RYR3: variants seen among roughly 807,000 people sequenced by gnomAD.
RYR3 encodes the protein brain ryanodine receptor-calcium release channel.
In RYR3, 207 loss-of-function variants were observed where a neutral mutation model predicts 584.3. The ratio of observed to expected loss-of-function variants is 0.35; its 90% confidence interval spans 0.32 to 0.40. RYR3 has a LOEUF of 0.40. Among genes scored for constraint, RYR3 ranks in the 10% least tolerant of loss-of-function variants. The probability of loss-of-function intolerance (pLI) is 1.00; values close to 1 mark genes in which losing one functional copy is unlikely to be tolerated. For synonymous variants in RYR3, 2,416 were observed against 2,248.5 expected (o/e 1.07, Z -2.11); for missense variants, 5,616 against 6,089.2 (o/e 0.92, Z 2.59).
At chr15:33,402,757 T>C (rs941712576) in intron 1 of RYR3, among the ~76,000 whole-genome samples, 2 of 152,240 alleles carry the variant, frequency 1.3e-5, no homozygotes, top group African/African-American at 4.8e-5. Flanking sequence ...ACTCAAGGAC[T>C]CAGAAGACTC....
chr15:33,840,682 CTT>C, intron 89 of RYR3, 141 bp from the exon 90 acceptor site: 1 of 722,364 alleles, frequency 1.4e-6, no homozygotes, highest in South Asian at 1.7e-5. Context: ...TAGCAGGACA[CTT>C]ATGTTCAGTG....
chr15:33,533,188 A>G (rs1266779844), intron 4 of RYR3, 123 bp from the exon 5 acceptor site: 1 of 635,824 alleles, frequency 1.6e-6, no homozygotes, highest in African/African-American at 1.8e-5. Context: ...TCCAATGAAC[A>G]AGATAAATAG....
chr15:33,700,207 G>T (rs141254152), intron 41 of RYR3, among the ~76,000 whole-genome samples: 14 of 152,320 alleles, frequency 9.2e-5, no homozygotes, highest in Non-Finnish European at 1.9e-4. Flanking sequence ...ATGAGACCAA[G>T]GTCATGGATC....
At chr15:33,712,875 A>G (rs1381222575) in intron 43 of RYR3, among the ~76,000 whole-genome samples, 1 of 152,178 alleles carries the variant, frequency 6.6e-6, no homozygotes, top group Non-Finnish European at 1.5e-5. Context: ...CAGAGATGAT[A>G]ATAATGTATG....
rs555721982 is a variant in RYR3, at chr15:33,530,628, G to A, written c.316G>A (p.Gly106Ser). Residue 106 changes from glycine (G) to serine (S), a missense_variant, in exon 4 of 104, where the codon GGC becomes AGC. By Grantham distance (56) the Gly-to-Ser change is moderately conservative. Around this residue, in one of 9 missense-constraint regions of RYR3, gnomAD observed 1,284 missense variants for 1,344.6 expected, o/e 0.95. Transcript: ENST00000634891. ...AGGTGGCCACAGGACCCTGTTATAC[G>A]GCCATGCAGTTCTCCTGAGGCACTC... The part of the protein sequence containing the change: ...QGGGHRTLLY[G>S]HAVLLRHSFS... The A allele has an allele frequency of 4.3e-6, 7 of 1,613,616 alleles. No homozygotes were observed. The highest frequency in any genetic ancestry group is 5.9e-6 in the Non-Finnish European group (7 of 1,179,684).
chr15:33,613,851 A>T (rs1318732253), intron 19 of RYR3, among the ~76,000 whole-genome samples: 1 of 152,218 alleles, frequency 6.6e-6, no homozygotes, highest in Non-Finnish European at 1.5e-5. Flanking sequence ...ATTCAACAAT[A>T]ATGAGCCTTT....
At position 33,389,174 on chromosome 15, in the gene RYR3, A is replaced by G. The variant is rs1029686679; in HGVS notation, c.51+78078A>G. 2.0e-5 allele frequency among the ~76,000 whole-genome samples: 3 copies of G among 151,240 alleles called. No individual in the cohort carries two copies. In the East Asian group the frequency reaches 5.9e-4, roughly 30 times the overall value. ...GCACACCAACATGGCACATGTATAC[A>G]TATGTAACAAACCTGCACGTTGTGC... On this transcript the variant is annotated intron_variant, in intron 1 of 103. Coordinates refer to ENST00000634891, the MANE Select transcript of RYR3 (RefSeq NM_001036.6).
Position 33,633,115 on chromosome 15 carries a change from A to G in RYR3, c.3027+7A>G. The stretch of plus-strand genomic sequence containing the variant: ...GACCTATGGCATCCAACAGGTAAGA[A>G]ATTCTGGGTCAGGCATGCTGGAAAA... On this transcript the variant is annotated splice_region_variant and intron_variant, in intron 24 of 103. Transcript: ENST00000634891. 2 of 1,611,016 alleles carry G rather than the reference A, an allele frequency of 1.2e-6. No individual in the cohort carries two copies. Among genetic ancestry groups the G allele is most frequent in the Non-Finnish European group, 1.7e-6 (2 of 1,178,092 alleles).
intron 3 of RYR3, among the ~76,000 whole-genome samples, chr15:33,520,890 A>G (rs2053932131): frequency 6.6e-6 from 1 of 152,174 alleles, no homozygotes; most frequent in Admixed American, 6.5e-5. Context: ...AGTGTTTGAA[A>G]AGTATCAGGA....
chr15:33,443,681 G>A (rs995722767), intron 1 of RYR3, among the ~76,000 whole-genome samples: 1 of 152,178 alleles, frequency 6.6e-6, no homozygotes, highest in Non-Finnish European at 1.5e-5. Context: ...TGGGGCACCT[G>A]AGTCTGGAAA....
intron 69 of RYR3, among the ~76,000 whole-genome samples, chr15:33,806,036 G>T (rs949847477): frequency 2.7e-5 from 4 of 150,930 alleles, no homozygotes; most frequent in Non-Finnish European, 5.9e-5. Context: ...CGCATTCTCA[G>T]ACCGACTTAC....
chr15:33,439,967 A>G lies in RYR3; in HGVS notation c.52-33452A>G, dbSNP rs559057895. On this transcript the variant is annotated intron_variant, in intron 1 of 103. Coordinates refer to ENST00000634891, the MANE Select transcript of RYR3 (RefSeq NM_001036.6). ...GTAGATAAAAACGAATTTGTTTTAA[A>G]TTCTTTAGTTACAATTTTTCATTTT... Among the ~76,000 whole-genome samples, 399 of 152,248 alleles carry G rather than the reference A, an allele frequency of 2.6e-3. 3 individuals are homozygous for G. The highest frequency in any genetic ancestry group is 0.01 in the Middle Eastern group (3 of 294).
intron 49 of RYR3, among the ~76,000 whole-genome samples, chr15:33,737,965 G>A (rs1400603109): frequency 6.6e-6 from 1 of 152,052 alleles, no homozygotes; most frequent in Non-Finnish European, 1.5e-5. Context: ...GGGAGTGGGG[G>A]CAAGGAAACA....
intron 38 of RYR3, among the ~76,000 whole-genome samples, chr15:33,683,187 G>A (rs2064753659): frequency 1.3e-5 from 2 of 151,844 alleles, no homozygotes; most frequent in African/African-American, 4.8e-5. Context: ...GTAGAGATGG[G>A]GTTTCACTGT....
intron 80 of RYR3, among the ~76,000 whole-genome samples, chr15:33,822,007 G>A (rs376755174): frequency 3.1e-5 from 2 of 63,528 alleles, no homozygotes; most frequent in Non-Finnish European, 6.2e-5. Flanking sequence ...CCTGTTATTC[G>A]TTCGTTCATC....
intron 1 of RYR3, among the ~76,000 whole-genome samples, chr15:33,401,283 T>C (rs2042647704): frequency 6.6e-6 from 1 of 152,252 alleles, no homozygotes; most frequent in African/African-American, 2.4e-5. Context: ...AGAGCACTTT[T>C]AACTTCTCAC....
intron 1 of RYR3, among the ~76,000 whole-genome samples, chr15:33,405,931 G>A (rs146094268): frequency 4.3e-4 from 66 of 152,332 alleles, no homozygotes; most frequent in African/African-American, 1.4e-3. Context: ...ATCCTCACAG[G>A]TGTATATCAT....
chr15:33,476,999 A>C (rs544082403), intron 2 of RYR3, among the ~76,000 whole-genome samples: 2 of 152,284 alleles, frequency 1.3e-5, no homozygotes, highest in East Asian at 3.9e-4. Context: ...TTATTACTAA[A>C]TAGTTGCCCT....
chr15:33,860,382 C>G (rs926701001), intron 100 of RYR3, among the ~76,000 whole-genome samples: 3 of 152,202 alleles, frequency 2.0e-5, no homozygotes, highest in Non-Finnish European at 4.4e-5. Flanking sequence ...AAGTAGTTAA[C>G]AGCACTGCAT....
Sources: gnomAD v4.1 joint callset for allele counts (sites outside exome capture counted in the v4.1 genomes callset) on GRCh38, gnomAD v4.1.1 for gene constraint, gnomAD v4.1.1 regional missense constraint, MANE v1.5 for transcripts, NCBI Gene and HGNC (gene_info 2026-07-23, HGNC 2026-07-21) for gene names.